USP32: variants seen among roughly 807,000 people sequenced by gnomAD.
The protein encoded by USP32 is ubiquitin carboxyl-terminal hydrolase 32.
In USP32, 59 loss-of-function variants were observed where a neutral mutation model predicts 204.8. That is an observed-to-expected ratio of 0.29 (90% CI 0.23 to 0.36). The LOEUF (loss-of-function observed/expected upper bound fraction) is 0.36, where lower values mean the gene tolerates loss of function less well. Ranked by LOEUF, USP32 falls within the 10% of genes least tolerant of loss-of-function variation. USP32 has a pLI of 1.00. For missense variants in USP32, 1,160 were observed against 1,946.4 expected (o/e 0.60, Z 7.60); for synonymous variants, 517 against 678.4 (o/e 0.76, Z 3.70).
chr17:60,231,762 A>G lies in USP32; in HGVS notation c.1239+4376T>C, dbSNP rs192970170. 90 of 306,890 alleles carry G rather than the reference A, an allele frequency of 2.9e-4. 1 individual carries two copies. In the East Asian group the frequency reaches 3.9e-3, roughly 13 times the overall value. 19.0% of individuals were successfully genotyped at this position (306,890 alleles called of 1,614,324 possible). On this transcript the variant is annotated intron_variant, in intron 12 of 33. Coordinates refer to ENST00000300896, the MANE Select transcript of USP32 (RefSeq NM_032582.4). Reference sequence around the variant, plus strand: ...ATAGTTCTCAAAAAGGAAGATACACATTATGTAATGTAATAATGATAGAAA... The same window carrying G: ...ATAGTTCTCAAAAAGGAAGATACACGTTATGTAATGTAATAATGATAGAAA...
At chr17:60,318,325 A>G (rs2088032529) in intron 2 of USP32, among the ~76,000 whole-genome samples, 1 of 152,220 alleles carries the variant, frequency 6.6e-6, no homozygotes, top group South Asian at 2.1e-4. Flanking sequence ...TTAGGCTAAT[A>G]CAATTTTATG....
chr17:60,203,270 G>A (rs1219280929), intron 26 of USP32, among the ~76,000 whole-genome samples: 13 of 151,468 alleles, frequency 8.6e-5, no homozygotes, highest in South Asian at 2.1e-4. Context: ...GCATGGTGGC[G>A]TGCACCTGTA....
At chr17:60,199,551 T>C (rs1452569652) in intron 26 of USP32, among the ~76,000 whole-genome samples, 1 of 152,210 alleles carries the variant, frequency 6.6e-6, no homozygotes, top group African/African-American at 2.4e-5. Context: ...TTGGTATTTA[T>C]TGAGTAGTTA....
intron 16 of USP32, among the ~76,000 whole-genome samples, chr17:60,217,758 G>T (rs2085141295): frequency 6.6e-6 from 1 of 151,252 alleles, no homozygotes; most frequent in Non-Finnish European, 1.5e-5. Flanking sequence ...TTTTTTAAGA[G>T]ACAAGCTCTT....
intron 2 of USP32, among the ~76,000 whole-genome samples, chr17:60,333,647 G>A (rs927975069): frequency 1.4e-5 from 2 of 147,960 alleles, no homozygotes; most frequent in East Asian, 4.0e-4. Flanking sequence ...AAGGAAGAAA[G>A]AAAGGGAGGG....
chr17:60,417,830 C>A (rs1245858673), intron 1 of USP32, among the ~76,000 whole-genome samples: 1 of 151,854 alleles, frequency 6.6e-6, no homozygotes, highest in East Asian at 1.9e-4. Flanking sequence ...TGCTGTGTCG[C>A]CCAGGCTGGA....
rs185394088 is a variant in USP32 at position 60,221,055 on chromosome 17, C to A, written c.1750-1268G>T. ...ATAACCAATATCTTCTGCAACAGAA[C>A]TTTTTTTTTTTAGTATCAAGAGGGA... is the stretch of plus-strand genomic sequence containing the variant. On this transcript the variant is annotated intron_variant, in intron 15 of 33. Transcript: ENST00000300896. Among the ~76,000 whole-genome samples the A allele has an allele frequency of 1.5e-3, 224 of 146,166 alleles. 2 individuals carry two copies. Among genetic ancestry groups the A allele is most frequent in the Admixed American group, 4.8e-3 (70 of 14,532 alleles).
intron 29 of USP32, among the ~76,000 whole-genome samples, chr17:60,188,518 G>A (rs745781269): frequency 6.6e-6 from 1 of 151,962 alleles, no homozygotes; most frequent in Non-Finnish European, 1.5e-5. Context: ...TCATAAGCTT[G>A]TTCCCATAAA....
chr17:60,275,843 C>G (rs1167444623), intron 5 of USP32, among the ~76,000 whole-genome samples: 1 of 151,194 alleles, frequency 6.6e-6, no homozygotes, highest in East Asian at 1.9e-4. Flanking sequence ...TCCTGAGTAG[C>G]TGGGATTACA....
intron 1 of USP32, among the ~76,000 whole-genome samples, chr17:60,369,384 A>C (rs536263571): frequency 1.3e-5 from 2 of 150,220 alleles, no homozygotes; most frequent in African/African-American, 4.9e-5. Context: ...TGAACCCAGA[A>C]GTTCAAGACA....
chr17:60,194,342 C>A (rs1360802880), intron 27 of USP32, among the ~76,000 whole-genome samples: 1 of 152,212 alleles, frequency 6.6e-6, no homozygotes, highest in African/African-American at 2.4e-5. Context: ...CCGCACCCTA[C>A]CCCCTGCACT....
At chr17:60,283,187 A>C (rs2087014471) in intron 5 of USP32, among the ~76,000 whole-genome samples, 1 of 152,216 alleles carries the variant, frequency 6.6e-6, no homozygotes, top group Admixed American at 6.5e-5. Context: ...AAATGAAGGA[A>C]GATTAGGAGT....
chr17:60,368,602 C>A lies in USP32; in HGVS notation c.59-22994G>T, dbSNP rs553197252. Reference sequence around the variant, plus strand: ...AACCAAGAATATTACCAAAAAAAAACCCACATACACACAAAAACTATTAAA... The same window carrying A: ...AACCAAGAATATTACCAAAAAAAAAACCACATACACACAAAAACTATTAAA... On this transcript the variant is annotated intron_variant, in intron 1 of 33. Coordinates refer to ENST00000300896, the MANE Select transcript of USP32 (RefSeq NM_032582.4). 7.2e-5 allele frequency among the ~76,000 whole-genome samples: 11 copies of A among 151,888 alleles called. No individual in the cohort carries two copies. In the South Asian group the frequency reaches 2.3e-3, roughly 32 times the overall value.
chr17:60,313,900 A>G (rs2087911717), intron 2 of USP32, among the ~76,000 whole-genome samples: 2 of 152,178 alleles, frequency 1.3e-5, no homozygotes, highest in Admixed American at 6.6e-5. Flanking sequence ...TCAAAAAGTT[A>G]CTAGATACAA....
intron 6 of USP32, 23 bp downstream of exon 6, chr17:60,271,327 G>A (rs1021192716): frequency 1.2e-6 from 2 of 1,612,512 alleles, no homozygotes; most frequent in Non-Finnish European, 1.7e-6. Flanking sequence ...GTGAACATAT[G>A]TAGAAAATGG....
intron 5 of USP32, among the ~76,000 whole-genome samples, chr17:60,277,550 A>G (rs2086868772): frequency 6.6e-6 from 1 of 152,266 alleles, no homozygotes; most frequent in African/African-American, 2.4e-5. Context: ...AGGCTTTAAC[A>G]TTGTAAACTA....
At chr17:60,282,494 C>T (rs2086992861) in intron 5 of USP32, among the ~76,000 whole-genome samples, 1 of 152,174 alleles carries the variant, frequency 6.6e-6, no homozygotes, top group African/African-American at 2.4e-5. Context: ...GCTGGGACTA[C>T]AGGCACATGC....
intron 1 of USP32, among the ~76,000 whole-genome samples, chr17:60,362,545 A>G (rs2089230312): frequency 6.6e-6 from 1 of 152,274 alleles, no homozygotes; most frequent in African/African-American, 2.4e-5. Flanking sequence ...TTATTGTCAC[A>G]GGAAATCTGT....
At chr17:60,194,594 T>C (rs766426907) in intron 27 of USP32, among the ~76,000 whole-genome samples, 3 of 152,230 alleles carry the variant, frequency 2.0e-5, no homozygotes, top group Non-Finnish European at 4.4e-5. Context: ...GTTATTATTC[T>C]TGGTGACATC....
Sources: gnomAD v4.1 joint callset for allele counts (sites outside exome capture counted in the v4.1 genomes callset) on GRCh38, gnomAD v4.1.1 for gene constraint, MANE v1.5 for transcripts, NCBI Gene and HGNC (gene_info 2026-07-23, HGNC 2026-07-21) for gene names.